TMPRSS15: variants seen among roughly 807,000 people sequenced by gnomAD.
TMPRSS15 encodes transmembrane serine protease 15, also known as enteropeptidase.
A neutral mutation model predicts 125.3 loss-of-function variants in TMPRSS15; 128 were observed. That is an observed-to-expected ratio of 1.02 (90% CI 0.89 to 1.18). The LOEUF is 1.18. Ranked by LOEUF, TMPRSS15 falls within the 50% of genes most tolerant of loss-of-function variation. The pLI is 0.00. For synonymous variants in TMPRSS15, 446 were observed against 423.2 expected (o/e 1.05, Z -0.66); for missense variants, 1,283 against 1,212.7 (o/e 1.06, Z -0.86).
Position 18,482,134 on chromosome 21 carries a change from AT to A in TMPRSS15, c.10+3664del, listed in dbSNP as rs572367792. ...CTAAATATACTTATTGTATTGCTTCATTTTTTTCATTTTCTTCTCATCATAT... is the reference window on the plus strand; with the variant it reads ...CTAAATATACTTATTGTATTGCTTCATTTTTTCATTTTCTTCTCATCATAT... On this transcript the variant is annotated intron_variant, in intron 1 of 7. Coordinates refer to the TMPRSS15 transcript ENST00000422787. Among the ~76,000 whole-genome samples, 318 of 150,130 alleles carry A rather than the reference AT, an allele frequency of 2.1e-3. 1 individual carries two copies. Among genetic ancestry groups the A allele is most frequent in the Non-Finnish European group, 3.5e-3 (235 of 66,938 alleles).
At chr21:18,465,751 G>A (rs1205300045) in intron 1 of TMPRSS15, among the ~76,000 whole-genome samples, 1 of 152,126 alleles carries the variant, frequency 6.6e-6, no homozygotes, top group African/African-American at 2.4e-5. Flanking sequence ...ACTGCTTAAG[G>A]AAATAAGAGA....
intron 1 of TMPRSS15, among the ~76,000 whole-genome samples, chr21:18,411,352 G>A (rs1429915068): frequency 1.4e-5 from 2 of 147,666 alleles, no homozygotes; most frequent in African/African-American, 2.5e-5. Context: ...TTTTTTTTTT[G>A]AGCTTCAGTT....
At chr21:18,339,959 G>C (rs1032026403) in intron 13 of TMPRSS15, among the ~76,000 whole-genome samples, 1 of 152,160 alleles carries the variant, frequency 6.6e-6, no homozygotes, top group African/African-American at 2.4e-5. Flanking sequence ...AGATCTTATA[G>C]GACATTGTGA....
At chr21:18,464,229 A>G (rs1442180278) in intron 1 of TMPRSS15, among the ~76,000 whole-genome samples, 1 of 151,848 alleles carries the variant, frequency 6.6e-6, no homozygotes, top group Non-Finnish European at 1.5e-5. Flanking sequence ...CAAAGACACA[A>G]TGTACCAGAA....
intron 3 of TMPRSS15, among the ~76,000 whole-genome samples, chr21:18,386,749 T>A (rs1233506213): frequency 6.6e-6 from 1 of 152,222 alleles, no homozygotes. Flanking sequence ...TCATTTTATC[T>A]TTGGTTGCAG....
intron 18 of TMPRSS15, among the ~76,000 whole-genome samples, chr21:18,309,960 G>A (rs1229166656): frequency 6.6e-6 from 1 of 152,058 alleles, no homozygotes; most frequent in Non-Finnish European, 1.5e-5. Flanking sequence ...CTTGGAGCTG[G>A]GAAGTTTCCA....
chr21:18,341,371 T>C (rs1170631109), intron 13 of TMPRSS15, 42 bp downstream of exon 13: 1 of 1,613,256 alleles, frequency 6.2e-7, no homozygotes, highest in South Asian at 1.1e-5. Context: ...ACACCTGACG[T>C]TAATGATTTA....
intron 1 of TMPRSS15, among the ~76,000 whole-genome samples, chr21:18,474,348 T>C (rs2123285941): frequency 6.6e-6 from 1 of 152,152 alleles, no homozygotes; most frequent in South Asian, 2.1e-4. Flanking sequence ...TGGAGTGCTA[T>C]GGCTCAATCT....
At chr21:18,369,898 T>C (rs1395360852) in intron 6 of TMPRSS15, among the ~76,000 whole-genome samples, 11 of 150,912 alleles carry the variant, frequency 7.3e-5, no homozygotes, top group Non-Finnish European at 7.4e-5. Flanking sequence ...AATAGATTCA[T>C]TGATTGATTT....
intron 1 of TMPRSS15, among the ~76,000 whole-genome samples, chr21:18,434,252 T>A (rs1045867814): frequency 6.6e-6 from 1 of 152,052 alleles, no homozygotes; most frequent in Non-Finnish European, 1.5e-5. Flanking sequence ...TATCTATAGC[T>A]AATCTCTATC....
At chr21:18,301,318 C>G (rs970882435) in intron 18 of TMPRSS15, among the ~76,000 whole-genome samples, 1 of 152,136 alleles carries the variant, frequency 6.6e-6, no homozygotes, top group Non-Finnish European at 1.5e-5. Context: ...TTTGTAAGCA[C>G]AGTAAACAGA....
In TMPRSS15 at chr21:18,297,682, T is replaced by C. The variant is rs906462848; in HGVS notation, c.2261+52A>G. 6 of 1,368,668 alleles carry C rather than the reference T, an allele frequency of 4.4e-6. No homozygotes were observed. The South Asian group carries it at 4.7e-5, about 11-fold the overall frequency. The allele number at this position is 1,368,668 out of a possible 1,614,324, so 84.8% of individuals were successfully genotyped here. A position where few individuals can be genotyped will look rare whatever the true frequency, so the allele number is the denominator to read the frequency against. On this transcript the variant is annotated intron_variant, in intron 19 of 24. Coordinates refer to ENST00000284885, the MANE Select transcript of TMPRSS15 (RefSeq NM_002772.3). ...AAATCTGACTGGCTTCAACAATCTA[T>C]CTTCTGCCATGTCTATGTACAACTA...
chr21:18,343,537 T>G lies in TMPRSS15; in HGVS notation c.1397A>C (p.Gln466Pro). 1 of 1,612,806 alleles carries G rather than the reference T, an allele frequency of 6.2e-7. No homozygotes were observed. Among genetic ancestry groups the G allele is most frequent in the Non-Finnish European group, 8.5e-7 (1 of 1,178,956 alleles). ...GNYGDNWNYG[Q>P]VTLNETVKFK... is the part of the protein sequence containing the mutation. ...TTTAACTGTTTCATTTAGGGTTACT[T>G]GTCCATAATTCCAATTGTCTCCATA... The change falls in exon 12 of 25, where the codon CAA becomes CCA. Residue 466 changes from glutamine (Q) to proline (P), a missense_variant. By Grantham distance (76) the Gln-to-Pro change is moderately conservative (BLOSUM62 -1). Transcript: ENST00000284885.
chr21:18,380,419 A>G lies in TMPRSS15; in HGVS notation c.497-1101T>C, dbSNP rs1245423103. 1.0e-5 allele frequency: 4 copies of G among 383,294 alleles called. No individual in the cohort carries two copies. In the Admixed American group the frequency reaches 1.2e-4, roughly 12 times the overall value. 23.7% of individuals were successfully genotyped at this position (383,294 alleles called of 1,614,324 possible). On this transcript the variant is annotated intron_variant, in intron 4 of 24. Coordinates refer to ENST00000284885, the MANE Select transcript of TMPRSS15 (RefSeq NM_002772.3). ...TATTCCTAACCAATATAAGCTTCTTACAACTTGATATGAAGACTGAATGCC... is the reference window on the plus strand; with the variant it reads ...TATTCCTAACCAATATAAGCTTCTTGCAACTTGATATGAAGACTGAATGCC...
At chr21:18,331,684 C>G (rs2075346891) in intron 14 of TMPRSS15, among the ~76,000 whole-genome samples, 1 of 152,020 alleles carries the variant, frequency 6.6e-6, no homozygotes. Context: ...TTGTCTTTGT[C>G]CTATGAAATT....
chr21:18,353,249 T>C lies in TMPRSS15; in HGVS notation c.1022-197A>G, dbSNP rs1029360808. Among the ~76,000 whole-genome samples, 8 of 151,874 alleles carry C rather than the reference T, an allele frequency of 5.3e-5. 2 individuals are homozygous for C. Among genetic ancestry groups the C allele is most frequent in the Non-Finnish European group, 1.2e-4 (8 of 67,838 alleles). ...AAGCAGCTTTTTGTTGCCAACTGTGTTAAATTAATACATTTCCTATACTCT... is the reference window on the plus strand; with the variant it reads ...AAGCAGCTTTTTGTTGCCAACTGTGCTAAATTAATACATTTCCTATACTCT... On this transcript the variant is annotated intron_variant, in intron 9 of 24. Coordinates refer to ENST00000284885, the MANE Select transcript of TMPRSS15 (RefSeq NM_002772.3).
intron 1 of TMPRSS15, among the ~76,000 whole-genome samples, chr21:18,417,666 C>T (rs1217840158): frequency 6.6e-6 from 1 of 152,094 alleles, no homozygotes; most frequent in African/African-American, 2.4e-5. Context: ...TCTGTATCTG[C>T]TAGATGTTTC....
chr21:18,275,742 T>A (rs2074612148), intron 23 of TMPRSS15, among the ~76,000 whole-genome samples: 1 of 152,206 alleles, frequency 6.6e-6, no homozygotes, highest in South Asian at 2.1e-4. Context: ...GGTGCTCGCT[T>A]CTGTATAATA....
chr21:18,451,650 A>G (rs1601467400), intron 1 of TMPRSS15, among the ~76,000 whole-genome samples: 2 of 152,308 alleles, frequency 1.3e-5, no homozygotes, highest in African/African-American at 4.8e-5. Context: ...ATTACAAAAT[A>G]TATTTTGAGA....
Sources: allele counts gnomAD v4.1 joint callset (sites outside exome capture counted in the v4.1 genomes callset), GRCh38; gene constraint gnomAD v4.1.1; transcripts MANE v1.5; gene names NCBI Gene and HGNC (gene_info 2026-07-23, HGNC 2026-07-21).